Variants in FRMPD2 observed in about 807,000 individuals in gnomAD.
FRMPD2 encodes FERM and PDZ domain-containing protein 2.
A neutral mutation model predicts 140.1 loss-of-function variants in FRMPD2; 96 were observed. The ratio of observed to expected loss-of-function variants is 0.69; its 90% confidence interval spans 0.58 to 0.81. The LOEUF is 0.81. Among genes scored for constraint, FRMPD2 ranks in the 40% least tolerant of loss-of-function variants. The pLI is 0.00. For missense variants in FRMPD2, 1,240 were observed against 1,447.4 expected (o/e 0.86, Z 2.32); for synonymous variants, 449 against 547.6 (o/e 0.82, Z 2.52).
At chr10:48,197,828 G>A (rs1317500650) in intron 15 of FRMPD2, among the ~76,000 whole-genome samples, 1 of 152,140 alleles carries the variant, frequency 6.6e-6, no homozygotes, top group Non-Finnish European at 1.5e-5. Context: ...CAGGCACTGG[G>A]CCCCAACAGC....
intron 27 of FRMPD2, among the ~76,000 whole-genome samples, 200 bp from the exon 28 acceptor site, chr10:48,163,871 T>C (rs1262935278): frequency 1.3e-5 from 2 of 151,234 alleles, no homozygotes; most frequent in Admixed American, 6.6e-5. Context: ...ACCTTGGCTT[T>C]GGAAGCTCTC....
chr10:48,176,120 T>A, intron 22 of FRMPD2, 181 bp from the exon 23 acceptor site: 1 of 592,696 alleles, frequency 1.7e-6, no homozygotes, highest in Non-Finnish European at 3.1e-6. Context: ...AGCAATAAGA[T>A]TAGGTGTTCA....
chr10:48,274,725 G>A (rs1411569463), upstream of FRMPD2: 5 of 677,842 alleles, frequency 7.4e-6, no homozygotes, highest in South Asian at 3.5e-5. Flanking sequence ...GCTGCCCAGC[G>A]AGTGAGTCAA....
intron 26 of FRMPD2, among the ~76,000 whole-genome samples, chr10:48,170,638 T>C (rs371611510): frequency 0.25 from 35,191 of 143,532 alleles, 5,005 homozygotes; most frequent in Non-Finnish European, 0.36. Context: ...GCTGTAAATG[T>C]GTTGAGAAAT....
chr10:48,192,837 T>G lies in FRMPD2; in HGVS notation c.2012A>C (p.Lys671Thr). The G allele has an allele frequency of 6.2e-7, 1 of 1,614,164 alleles. No individual in the cohort carries two copies. Among genetic ancestry groups the G allele is most frequent in the South Asian group, 1.1e-5 (1 of 91,084 alleles). The change falls in exon 16 of 29, where the codon AAG (lysine) becomes ACG (threonine). Residue 671 changes from lysine to threonine, a missense_variant. Physicochemically the swap from Lys to Thr is moderately conservative, Grantham distance 78. This residue lies in a region of FRMPD2 where 1,161 missense variants were observed against 1,055.9 expected (regional missense o/e 1.10). Coordinates refer to ENST00000374201, the MANE Select transcript of FRMPD2 (RefSeq NM_001018071.4). ...NLSPAHQARSKPLIWIQRLSC... is the reference protein window; with the variant it reads ...NLSPAHQARSTPLIWIQRLSC... ...CAATCTCTGAATCCAAATGAGAGGC[T>G]TAGACCGGGCCTGGTGTGCAGGACT... is the stretch of plus-strand genomic sequence containing the variant.
chr10:48,161,767 T>C (rs1379028128), intron 28 of FRMPD2, among the ~76,000 whole-genome samples: 8 of 151,656 alleles, frequency 5.3e-5, no homozygotes, highest in South Asian at 2.1e-4. Context: ...AGCATGGAGT[T>C]TGAGGCTAGA....
intron 15 of FRMPD2, among the ~76,000 whole-genome samples, chr10:48,199,248 A>AT (rs1839022570): frequency 7.0e-6 from 1 of 142,378 alleles, no homozygotes; most frequent in East Asian, 2.0e-4. Context: ...AAAAGTTGAA[A>AT]TTTTTCTGAA....
intron 12 of FRMPD2, among the ~76,000 whole-genome samples, chr10:48,216,255 C>A (rs1355630215): frequency 6.6e-6 from 1 of 151,492 alleles, no homozygotes; most frequent in African/African-American, 2.4e-5. Context: ...AGATAATAGA[C>A]AGATACATAG....
chr10:48,174,708 G>A (rs1192682761), intron 24 of FRMPD2, among the ~76,000 whole-genome samples, 162 bp downstream of exon 24: 2 of 151,172 alleles, frequency 1.3e-5, no homozygotes, highest in African/African-American at 4.9e-5. Context: ...CATCCCCATA[G>A]AAAAGTGAGG....
At position 48,206,740 on chromosome 10, in the gene FRMPD2, A is replaced by G. The variant is rs984886617; in HGVS notation, c.1797+8T>C. On this transcript the variant is annotated splice_region_variant and intron_variant, in intron 14 of 28. Transcript: ENST00000374201. ...GTGCAGGTTATTTATCAACTGAGCTACACTCACATAAGTAGAAATCTTCCC... is the reference window on the plus strand; with the variant it reads ...GTGCAGGTTATTTATCAACTGAGCTGCACTCACATAAGTAGAAATCTTCCC... 3 of 1,610,034 alleles carry G rather than the reference A, an allele frequency of 1.9e-6. No individual in the cohort carries two copies. In the African/African-American group the frequency reaches 4.0e-5, roughly 22 times the overall value.
chr10:48,254,067 A>C (rs2131972780), intron 1 of FRMPD2, among the ~76,000 whole-genome samples: 1 of 152,266 alleles, frequency 6.6e-6, no homozygotes, highest in South Asian at 2.1e-4. Flanking sequence ...TCAATTAAAA[A>C]AAAAAAAAGT....
chr10:48,185,300 G>T (rs928933184), intron 18 of FRMPD2, among the ~76,000 whole-genome samples: 1 of 152,134 alleles, frequency 6.6e-6, no homozygotes, highest in Non-Finnish European at 1.5e-5. Flanking sequence ...TTGTTACATG[G>T]TATTAGGGGA....
chr10:48,261,357 C>T (rs1364610532), intron 1 of FRMPD2, among the ~76,000 whole-genome samples: 1 of 150,292 alleles, frequency 6.7e-6, no homozygotes, highest in Admixed American at 6.6e-5. Flanking sequence ...GTTAAAAAAG[C>T]AAAAATAATG....
chr10:48,161,899 C>T (rs1403372756), intron 28 of FRMPD2, among the ~76,000 whole-genome samples: 1 of 150,406 alleles, frequency 6.6e-6, no homozygotes, highest in Non-Finnish European at 1.5e-5. Context: ...AAATTAAAGG[C>T]ACTTGGCAAG....
chr10:48,209,901 G>T lies in FRMPD2; in HGVS notation c.1611+2053C>A, dbSNP rs1839279926. 2.0e-5 allele frequency among the ~76,000 whole-genome samples: 3 copies of T among 152,090 alleles called. No individual in the cohort carries two copies. The South Asian group carries it at 6.2e-4, about 32-fold the overall frequency. ...TAGAGCATTGAGAGAAAAAATTAGAGTACAATATATGTTAATTCAAAAGAA... is the reference window on the plus strand; with the variant it reads ...TAGAGCATTGAGAGAAAAAATTAGATTACAATATATGTTAATTCAAAAGAA... On this transcript the variant is annotated intron_variant, in intron 13 of 28. Transcript: ENST00000374201.
chr10:48,166,432 C>A (rs1406411962), intron 27 of FRMPD2, among the ~76,000 whole-genome samples: 1 of 95,272 alleles, frequency 1.0e-5, no homozygotes. Flanking sequence ...ACCCGAGTGG[C>A]CCCTCTGAAG....
At chr10:48,222,058 A>G (rs1305356907) in intron 12 of FRMPD2, among the ~76,000 whole-genome samples, 4 of 149,886 alleles carry the variant, frequency 2.7e-5, no homozygotes, top group Non-Finnish European at 5.9e-5. Context: ...AGGTGGGTGG[A>G]TGGATGGATG....
Position 48,184,548 on chromosome 10 carries a change from G to T in FRMPD2, c.2584+18C>A. On this transcript the variant is annotated intron_variant, in intron 20 of 28. Coordinates refer to ENST00000374201, the MANE Select transcript of FRMPD2 (RefSeq NM_001018071.4). ...ACAGGGGAGCCTCTTAAGCTCCCAA[G>T]AGTGGGTTAAAACATACCTTTTGAC... 7.3e-6 allele frequency: 11 copies of T among 1,504,250 alleles called. No individual in the cohort carries two copies. Among genetic ancestry groups the T allele is most frequent in the Non-Finnish European group, 1.0e-5 (11 of 1,080,346 alleles). The allele number at this position is 1,504,250 out of a possible 1,614,324, so 93.2% of individuals were successfully genotyped here.
chr10:48,198,730 T>C (rs1839010489), intron 15 of FRMPD2, among the ~76,000 whole-genome samples: 1 of 152,254 alleles, frequency 6.6e-6, no homozygotes, highest in Admixed American at 6.5e-5. Context: ...TTTTTCCATT[T>C]ATTTGTGTCA....
Sources: allele counts gnomAD v4.1 joint callset (sites outside exome capture counted in the v4.1 genomes callset), GRCh38; gene constraint gnomAD v4.1.1; regional missense constraint gnomAD v4.1.1; transcripts MANE v1.5; gene names NCBI Gene and HGNC (gene_info 2026-07-23, HGNC 2026-07-21).